LRRC4C: variants seen among roughly 807,000 people sequenced by gnomAD.
LRRC4C encodes the protein leucine rich repeat containing 4C.
A neutral mutation model predicts 33.6 loss-of-function variants in LRRC4C; 5 were observed. The observed-to-expected ratio is 0.15, with a 90% CI of 0.08 to 0.31. LRRC4C has a LOEUF of 0.31. LRRC4C is among the 10% of genes least tolerant of loss of function. The pLI is 1.00. For synonymous variants in LRRC4C, 329 were observed against 302.0 expected, an observed-to-expected ratio of 1.09 and a Z score of -0.93; for missense variants, 560 against 796.7, an observed-to-expected ratio of 0.70 and a Z score of 3.58.
At chr11:40,891,905 G>A (rs1955724475) in intron 2 of LRRC4C, among the ~76,000 whole-genome samples, 1 of 152,100 alleles carries the variant, frequency 6.6e-6, no homozygotes, top group Non-Finnish European at 1.5e-5. Context: ...GGAGGCCAAG[G>A]TGGGTGTATC....
chr11:41,232,910 C>T (rs866615190), intron 1 of LRRC4C, among the ~76,000 whole-genome samples: 1 of 151,944 alleles, frequency 6.6e-6, no homozygotes, highest in Non-Finnish European at 1.5e-5. Context: ...AACACTTCTG[C>T]CAATTATATG....
chr11:40,745,896 G>A (rs2136942798), intron 2 of LRRC4C, among the ~76,000 whole-genome samples: 1 of 152,252 alleles, frequency 6.6e-6, no homozygotes, highest in Non-Finnish European at 1.5e-5. Flanking sequence ...TAGTTATGCA[G>A]TTTAAAAAGG....
At chr11:40,267,925 T>A (rs1942401278) in intron 4 of LRRC4C, among the ~76,000 whole-genome samples, 1 of 152,192 alleles carries the variant, frequency 6.6e-6, no homozygotes, top group Admixed American at 6.5e-5. Flanking sequence ...ACTGACTTTC[T>A]GCTTCATAAA....
intron 4 of LRRC4C, among the ~76,000 whole-genome samples, chr11:40,291,324 A>G (rs1944177698): frequency 6.6e-6 from 1 of 152,184 alleles, no homozygotes; most frequent in Admixed American, 6.5e-5. Context: ...CAAAGCTGGC[A>G]CATGAGAAGT....
At chr11:40,522,708 T>C (rs1189594893) in intron 3 of LRRC4C, among the ~76,000 whole-genome samples, 3 of 152,132 alleles carry the variant, frequency 2.0e-5, no homozygotes, top group African/African-American at 7.2e-5. Flanking sequence ...AACTCCCCAT[T>C]TCCCCTACTA....
At chr11:40,830,625 A>G (rs1222571847) in intron 2 of LRRC4C, among the ~76,000 whole-genome samples, 2 of 152,128 alleles carry the variant, frequency 1.3e-5, no homozygotes, top group African/African-American at 4.8e-5. Flanking sequence ...ATGTTAGCTC[A>G]TATCTAAAGG....
chr11:40,640,947 C>G (rs981811404), intron 3 of LRRC4C, among the ~76,000 whole-genome samples: 1 of 143,944 alleles, frequency 6.9e-6, no homozygotes, highest in Non-Finnish European at 1.5e-5. Context: ...ACCTGGGAGG[C>G]GGAGCTTGCA....
intron 2 of LRRC4C, among the ~76,000 whole-genome samples, chr11:40,768,192 T>C (rs1302173299): frequency 6.6e-6 from 1 of 151,958 alleles, no homozygotes; most frequent in Non-Finnish European, 1.5e-5. Flanking sequence ...TGTGAAACTG[T>C]ACACTCATAA....
chr11:41,148,630 C>T (rs909676046), intron 1 of LRRC4C, among the ~76,000 whole-genome samples: 3 of 151,846 alleles, frequency 2.0e-5, no homozygotes, highest in Non-Finnish European at 2.9e-5. Flanking sequence ...GTAAACTACC[C>T]GGGAAACAAC....
chr11:40,994,417 A>G (rs1181963615), intron 1 of LRRC4C, among the ~76,000 whole-genome samples: 2 of 152,144 alleles, frequency 1.3e-5, no homozygotes, highest in Non-Finnish European at 2.9e-5. Context: ...GGGATGTGAA[A>G]GAAGTAGGAG....
chr11:40,660,142 C>T (rs1371832007), intron 2 of LRRC4C, among the ~76,000 whole-genome samples: 1 of 152,230 alleles, frequency 6.6e-6, no homozygotes, highest in African/African-American at 2.4e-5. Flanking sequence ...TCTGATCCAG[C>T]CACAGCCTTA....
chr11:40,371,365 A>G (rs534094220), intron 3 of LRRC4C, among the ~76,000 whole-genome samples: 1 of 152,160 alleles, frequency 6.6e-6, no homozygotes, highest in East Asian at 1.9e-4. Flanking sequence ...CAATTTGTAC[A>G]TTTTTGACAA....
intron 4 of LRRC4C, among the ~76,000 whole-genome samples, chr11:40,317,896 C>T (rs1188646787): frequency 6.6e-6 from 1 of 152,070 alleles, no homozygotes; most frequent in African/African-American, 2.4e-5. Context: ...CAGCAGCAAC[C>T]TGGTAGCAAG....
chr11:40,221,608 GA>G (rs1864424007), intron 5 of LRRC4C, among the ~76,000 whole-genome samples: 1 of 152,018 alleles, frequency 6.6e-6, no homozygotes, highest in South Asian at 2.1e-4. Context: ...TCCAAAGAAA[GA>G]AAAAGTAAAA....
intron 3 of LRRC4C, among the ~76,000 whole-genome samples, chr11:40,367,203 G>T (rs2137225750): frequency 6.6e-6 from 1 of 152,088 alleles, no homozygotes; most frequent in South Asian, 2.1e-4. Context: ...TTAATTTCTT[G>T]TTTAATTGAT....
At chr11:40,191,532 C>T (rs903767046) in intron 5 of LRRC4C, among the ~76,000 whole-genome samples, 2 of 152,190 alleles carry the variant, frequency 1.3e-5, no homozygotes, top group African/African-American at 2.4e-5. Context: ...TCCCAGGTGA[C>T]TTGGATGCAG....
chr11:40,352,259 A>G (rs1947445797), intron 3 of LRRC4C, among the ~76,000 whole-genome samples: 1 of 145,070 alleles, frequency 6.9e-6, no homozygotes, highest in African/African-American at 2.6e-5. Context: ...GATCTGTTGT[A>G]GGTTTTTTAA....
At chr11:40,454,515 G>C (rs1952043526) in intron 3 of LRRC4C, among the ~76,000 whole-genome samples, 1 of 152,052 alleles carries the variant, frequency 6.6e-6, no homozygotes, top group Non-Finnish European at 1.5e-5. Flanking sequence ...TGGCACAAAG[G>C]GAGATTTATC....
chr11:40,873,593 A>AATACTC (rs1207994786), intron 2 of LRRC4C, among the ~76,000 whole-genome samples: 12 of 152,116 alleles, frequency 7.9e-5, no homozygotes, highest in African/African-American at 2.9e-4. Context: ...TTTCAAACCC[A>AATACTC]ATACTCATTT....
Sources: gnomAD v4.1 joint callset for allele counts (sites outside exome capture counted in the v4.1 genomes callset) on GRCh38, gnomAD v4.1.1 for gene constraint, MANE v1.5 for transcripts, NCBI Gene and HGNC (gene_info 2026-07-23, HGNC 2026-07-21) for gene names.